Variants in FAM118B observed in about 807,000 individuals in gnomAD.
The protein encoded by FAM118B is protein FAM118B.
A neutral mutation model predicts 38.5 loss-of-function variants in FAM118B; 24 were observed. The ratio of observed to expected loss-of-function variants is 0.62; its 90% CI spans 0.45 to 0.88. The LOEUF (loss-of-function observed/expected upper bound fraction) is 0.88. Ranked by LOEUF, FAM118B falls within the 40% of genes least tolerant of loss-of-function variation. The pLI is 0.00. For synonymous variants in FAM118B, 138 were observed against 156.3 expected, an observed-to-expected ratio of 0.88 and a Z score of 0.87; for missense variants, 334 against 420.0, an observed-to-expected ratio of 0.80 and a Z score of 1.79.
At chr11:126,221,410 G>T (rs576508520) in intron 1 of FAM118B, among the ~76,000 whole-genome samples, 1 of 152,156 alleles carries the variant, frequency 6.6e-6, no homozygotes, top group South Asian at 2.1e-4. Context: ...CAGAAAGAAA[G>T]AAATAATGGC....
intron 1 of FAM118B, among the ~76,000 whole-genome samples, chr11:126,216,559 C>T (rs775422848): frequency 2.6e-5 from 4 of 152,142 alleles, no homozygotes; most frequent in Non-Finnish European, 5.9e-5. Flanking sequence ...GTTTCTATGG[C>T]GTTTTTCTGG....
At chr11:126,257,401 G>A (rs879055330) in intron 7 of FAM118B, among the ~76,000 whole-genome samples, 1 of 152,144 alleles carries the variant, frequency 6.6e-6, no homozygotes, top group East Asian at 1.9e-4. Flanking sequence ...TCCATTGAAT[G>A]TAGTGGCAAA....
intron 1 of FAM118B, among the ~76,000 whole-genome samples, chr11:126,216,402 C>T (rs919686493): frequency 1.3e-5 from 2 of 152,086 alleles, no homozygotes; most frequent in Admixed American, 1.3e-4. Context: ...AAAACAAAAA[C>T]CGTTTCTCTG....
chr11:126,228,535 A>G (rs555901082), intron 1 of FAM118B, among the ~76,000 whole-genome samples: 1 of 150,958 alleles, frequency 6.6e-6, no homozygotes, highest in South Asian at 2.1e-4. Flanking sequence ...TCTTCCCTTC[A>G]TTAAGACTTG....
At chr11:126,235,174 G>GT in intron 3 of FAM118B, 87 bp downstream of exon 3, 1 of 1,069,074 alleles carries the variant, frequency 9.4e-7, no homozygotes, top group Non-Finnish European at 1.4e-6. Context: ...TATATCAGTT[G>GT]TTTTCACTAA....
intron 4 of FAM118B, among the ~76,000 whole-genome samples, chr11:126,248,737 A>G (rs1246837856): frequency 6.6e-6 from 1 of 152,182 alleles, no homozygotes; most frequent in Non-Finnish European, 1.5e-5. Context: ...ACATTAATCA[A>G]TTCATGGAGG....
At chr11:126,249,073 G>T (rs540747509) in intron 4 of FAM118B, among the ~76,000 whole-genome samples, 1 of 152,154 alleles carries the variant, frequency 6.6e-6, no homozygotes. Context: ...TAAGTAAGCC[G>T]TATGTTAAGA....
rs1188324951 is a variant in FAM118B, at chr11:126,254,390, A to T, written c.653A>T (p.His218Leu). 6.2e-7 allele frequency: 1 copy of T among 1,614,240 alleles called. No homozygotes were observed. The highest frequency in any genetic ancestry group is 8.5e-7 in the Non-Finnish European group (1 of 1,180,042). The stretch of plus-strand genomic sequence containing the variant: ...ACCAACCCTAGTGGCATTGTCCTTC[A>T]TCCGGCTGGATATCAGAACGTGCTC... ...VYTNPSGIVLHPAGYQNVLRN... is the reference protein window; with the variant it reads ...VYTNPSGIVLLPAGYQNVLRN... Residue 218 changes from histidine to leucine, a missense_variant, in exon 6 of 9, where the codon CAT (histidine) becomes CTT (leucine). Physicochemically the swap from His to Leu is moderately conservative, Grantham distance 99. Transcript: ENST00000533050.
In FAM118B at chr11:126,250,493, A is replaced by C; in HGVS notation, c.340-13A>C. 6.3e-7 allele frequency: 1 copy of C among 1,594,442 alleles called. No homozygotes were observed. The highest frequency in any genetic ancestry group is 8.6e-7 in the Non-Finnish European group (1 of 1,164,646). On this transcript the variant is annotated splice_polypyrimidine_tract_variant and intron_variant, in intron 4 of 8. Coordinates refer to ENST00000533050, the MANE Select transcript of FAM118B (RefSeq NM_024556.4). This position sits in a 1 kb window ranked among gnomAD's most constrained non-coding sequence, Gnocchi z 5.1. Reference sequence around the variant, plus strand: ...ACTTTGGACTAATTTTCTTTTTTCAAATCCCTCCTCAGCGTACCAGTAATG... The same window carrying C: ...ACTTTGGACTAATTTTCTTTTTTCACATCCCTCCTCAGCGTACCAGTAATG...
intron 1 of FAM118B, among the ~76,000 whole-genome samples, chr11:126,215,927 G>C (rs1188451737): frequency 2.0e-5 from 3 of 152,012 alleles, no homozygotes; most frequent in Non-Finnish European, 4.4e-5. Context: ...AGGATCATTT[G>C]AGCCCGGGAA....
At chr11:126,240,737 G>T in intron 3 of FAM118B, 55 bp from the exon 4 acceptor site, 1 of 1,505,728 alleles carries the variant, frequency 6.6e-7, no homozygotes, top group East Asian at 2.3e-5. Context: ...CAGTCTTTCT[G>T]TGTGCCTCAT....
intron 4 of FAM118B, among the ~76,000 whole-genome samples, chr11:126,245,995 C>T (rs1364201336): frequency 5.9e-4 from 84 of 142,834 alleles, no homozygotes; most frequent in African/African-American, 2.1e-3. Context: ...AGACTCCGTC[C>T]CAAAAAAAAA....
chr11:126,242,808 T>C (rs1591518144), intron 4 of FAM118B, among the ~76,000 whole-genome samples: 1 of 152,168 alleles, frequency 6.6e-6, no homozygotes, highest in African/African-American at 2.4e-5. Context: ...GGAAAACAGA[T>C]TGGCAGTTCC....
intron 1 of FAM118B, among the ~76,000 whole-genome samples, chr11:126,213,934 G>A (rs768202774): frequency 1.4e-4 from 21 of 152,216 alleles, no homozygotes; most frequent in Non-Finnish European, 2.4e-4. Context: ...AGAATTCAAA[G>A]TTTTTGTTTG....
At chr11:126,235,117 A>G (rs767437699) in intron 3 of FAM118B, 30 bp downstream of exon 3, 38 of 1,595,480 alleles carry the variant, frequency 2.4e-5, no homozygotes, top group Non-Finnish European at 3.1e-5. Flanking sequence ...CAGCAGAGTA[A>G]ATTACCATTA....
At chr11:126,238,319 G>A (rs556898889) in intron 3 of FAM118B, among the ~76,000 whole-genome samples, 1 of 152,104 alleles carries the variant, frequency 6.6e-6, no homozygotes, top group South Asian at 2.1e-4. Flanking sequence ...CCAAGATTAC[G>A]AGATTCCATC....
At position 126,260,577 on chromosome 11, in the gene FAM118B, T is replaced by C. The variant is rs969037024; in HGVS notation, c.983-848T>C. The C allele has an allele frequency of 3.9e-5, 6 of 152,200 alleles. No individual in the cohort carries two copies. The South Asian group carries it at 6.2e-4, about 16-fold the overall frequency. 9.4% of individuals were successfully genotyped at this position (152,200 alleles called of 1,614,324 possible). ...TTTTGCCAGTTTTTTGTAAGTCATG[T>C]TGTGAAAATAACATCTGTATCTCTT... On this transcript the variant is annotated intron_variant, in intron 7 of 8. Coordinates refer to ENST00000533050, the MANE Select transcript of FAM118B (RefSeq NM_024556.4).
chr11:126,217,157 A>T (rs780308961), intron 1 of FAM118B, among the ~76,000 whole-genome samples: 1 of 152,258 alleles, frequency 6.6e-6, no homozygotes, highest in Non-Finnish European at 1.5e-5. Flanking sequence ...TCAGCCAGGA[A>T]TCACTTATTC....
intron 1 of FAM118B, among the ~76,000 whole-genome samples, chr11:126,212,268 A>C (rs1949892062): frequency 6.6e-6 from 1 of 152,158 alleles, no homozygotes; most frequent in Admixed American, 6.5e-5. Context: ...CCTACTTAGG[A>C]AGCACTGTGA....
Sources: gnomAD v4.1 joint callset for allele counts (sites outside exome capture counted in the v4.1 genomes callset) on GRCh38, gnomAD v4.1.1 for gene constraint, Gnocchi (gnomAD v3.1) non-coding constraint, MANE v1.5 for transcripts, NCBI Gene and HGNC (gene_info 2026-07-23, HGNC 2026-07-21) for gene names.